Variants in PPP2R2C observed in about 807,000 individuals in gnomAD.
PPP2R2C encodes the protein protein phosphatase 2 regulatory subunit Bgamma.
A neutral mutation model predicts 45.3 loss-of-function variants in PPP2R2C; 10 were observed. The observed-to-expected ratio is 0.22, with a 90% CI of 0.14 to 0.37. The LOEUF (loss-of-function observed/expected upper bound fraction) is 0.37, where lower values mean the gene tolerates loss of function less well. Among genes scored for constraint, PPP2R2C ranks in the 10% least tolerant of loss-of-function variants. The pLI is 1.00. For missense variants in PPP2R2C, 308 were observed against 619.7 expected (o/e 0.50, Z 5.34); for synonymous variants, 257 against 245.4 (o/e 1.05, Z -0.44).
chr4:6,407,275 G>A (rs553502508), intron 1 of PPP2R2C, among the ~76,000 whole-genome samples: 1 of 152,374 alleles, frequency 6.6e-6, no homozygotes, highest in East Asian at 1.9e-4. Context: ...CAAGTGTGAG[G>A]CAAGTGGGGG....
At chr4:6,539,887 G>T (rs1321057181) in intron 1 of PPP2R2C, among the ~76,000 whole-genome samples, 2 of 152,082 alleles carry the variant, frequency 1.3e-5, no homozygotes, top group Admixed American at 1.3e-4. Context: ...GGGTAGAGGG[G>T]TCTGGGTCCT....
chr4:6,361,226 C>T (rs910686194), intron 5 of PPP2R2C, among the ~76,000 whole-genome samples: 3 of 152,190 alleles, frequency 2.0e-5, no homozygotes, highest in Non-Finnish European at 4.4e-5. Flanking sequence ...AGGAAAGGTG[C>T]TGTTCTATTT....
At position 6,349,237 on chromosome 4, in the gene PPP2R2C, T is replaced by C. The variant is rs1016347501; in HGVS notation, c.626-1227A>G. On this transcript the variant is annotated intron_variant, in intron 5 of 8. Transcript: ENST00000382599. The stretch of plus-strand genomic sequence containing the variant: ...ATGGGGCTTTGCACGGTCTGTTCCC[T>C]CTGACTCTTCAGGTGCATGTGAGCC... The C allele has an allele frequency of 3.0e-6, 3 of 985,316 alleles. No homozygotes were observed. The African/African-American group carries it at 5.2e-5, about 17-fold the overall frequency. 61.0% of individuals were successfully genotyped at this position (985,316 alleles called of 1,614,324 possible). A position where few individuals can be genotyped will look rare whatever the true frequency, so the allele number is the denominator to read the frequency against.
At chr4:6,456,697 G>A (rs550693420) in intron 1 of PPP2R2C, among the ~76,000 whole-genome samples, 1 of 152,332 alleles carries the variant, frequency 6.6e-6, no homozygotes, top group South Asian at 2.1e-4. Flanking sequence ...CCCTCACGGT[G>A]AACCACGGGC....
intron 2 of PPP2R2C, among the ~76,000 whole-genome samples, chr4:6,504,044 C>A (rs1723142353): frequency 6.6e-6 from 1 of 152,222 alleles, no homozygotes; most frequent in African/African-American, 2.4e-5. Context: ...AGTCCTCCTC[C>A]TGCACCATTC....
chr4:6,387,031 A>G (rs1201903105), intron 1 of PPP2R2C, among the ~76,000 whole-genome samples: 2 of 152,192 alleles, frequency 1.3e-5, no homozygotes, highest in Non-Finnish European at 2.9e-5. Context: ...GATGATTTCA[A>G]TAGAAATTAC....
intron 1 of PPP2R2C, among the ~76,000 whole-genome samples, chr4:6,428,670 G>C (rs1275832952): frequency 1.3e-4 from 20 of 152,242 alleles, no homozygotes; most frequent in Admixed American, 1.3e-3. Flanking sequence ...GAATAAGCCA[G>C]ACATCACTGA....
chr4:6,511,050 T>C (rs906676957), intron 2 of PPP2R2C, among the ~76,000 whole-genome samples: 2 of 151,726 alleles, frequency 1.3e-5, no homozygotes, highest in African/African-American at 4.9e-5. Flanking sequence ...AGGAACTTTA[T>C]TTGATTTCTG....
At chr4:6,557,240 C>A (rs1033742590) in intron 1 of PPP2R2C, among the ~76,000 whole-genome samples, 5 of 152,062 alleles carry the variant, frequency 3.3e-5, no homozygotes, top group African/African-American at 1.2e-4. Context: ...AATATTTGAA[C>A]CACTCATTGG....
chr4:6,460,121 A>C (rs114494811), intron 1 of PPP2R2C, among the ~76,000 whole-genome samples: 3 of 152,310 alleles, frequency 2.0e-5, no homozygotes, highest in Non-Finnish European at 2.9e-5. Flanking sequence ...GATATTACCA[A>C]TGATGACGGG....
At chr4:6,511,243 G>C (rs7676746) in intron 2 of PPP2R2C, among the ~76,000 whole-genome samples, 14 of 144,406 alleles carry the variant, frequency 9.7e-5, no homozygotes, top group Non-Finnish European at 1.8e-4. Context: ...CGTTCCGCTG[G>C]TGATGCTGAT....
chr4:6,323,533 C>A lies in PPP2R2C; in HGVS notation c.1113G>T (p.Arg371=). 6.3e-7 allele frequency: 1 copy of A among 1,594,764 alleles called. No homozygotes were observed. Among genetic ancestry groups the A allele is most frequent in the Non-Finnish European group, 8.6e-7 (1 of 1,164,512 alleles). The change falls in exon 9 of 9, where the codon CGG becomes CGT. Residue 371 remains arginine, a synonymous_variant. Coordinates refer to ENST00000382599, the MANE Select transcript of PPP2R2C (RefSeq NM_020416.4). Reference sequence around the variant, plus strand: ...CCCTCGAGGCCTCCAGGGTCACGTCCCGCTTGGTGTTCCGATCGAACATGC... The same window carrying A: ...CCCTCGAGGCCTCCAGGGTCACGTCACGCTTGGTGTTCCGATCGAACATGC... ...FFRMFDRNTK[R]DVTLEASRES... is the part of the protein sequence containing the mutation.
At chr4:6,525,709 T>G (rs1027170304) in intron 2 of PPP2R2C, among the ~76,000 whole-genome samples, 2 of 152,074 alleles carry the variant, frequency 1.3e-5, no homozygotes, top group African/African-American at 4.8e-5. Flanking sequence ...CTGTCCTTTT[T>G]GGGGGGATGG....
At chr4:6,486,409 C>G (rs939472965) in intron 2 of PPP2R2C, among the ~76,000 whole-genome samples, 1 of 151,958 alleles carries the variant, frequency 6.6e-6, no homozygotes, top group African/African-American at 2.4e-5. Flanking sequence ...TAGTGTTGTT[C>G]ATATCTTCTA....
intron 2 of PPP2R2C, among the ~76,000 whole-genome samples, chr4:6,518,965 A>G (rs1010899780): frequency 6.6e-6 from 1 of 151,454 alleles, no homozygotes; most frequent in African/African-American, 2.4e-5. Context: ...AATAGAAAAG[A>G]AAAGAGAAAA....
In PPP2R2C at chr4:6,384,544, T is replaced by G. The variant is rs898870570; in HGVS notation, c.71-3450A>C. The G allele has an allele frequency of 3.1e-6, 3 of 978,248 alleles. No individual in the cohort carries two copies. The Admixed American group carries it at 1.8e-4, about 60-fold the overall frequency. The allele number at this position is 978,248 out of a possible 1,614,324, so 60.6% of individuals were successfully genotyped here. ...TATAAAACGCTGCACATACTTAATG[T>G]ATATAATTTGATGAGGGTGGGCATA... is the stretch of plus-strand genomic sequence containing the variant. On this transcript the variant is annotated intron_variant, in intron 1 of 8. Coordinates refer to ENST00000382599, the MANE Select transcript of PPP2R2C (RefSeq NM_020416.4).
chr4:6,390,884 C>T (rs1716585689), intron 1 of PPP2R2C, among the ~76,000 whole-genome samples: 1 of 152,180 alleles, frequency 6.6e-6, no homozygotes, highest in South Asian at 2.1e-4. Flanking sequence ...CACATTTCAT[C>T]ACCACCCCAC....
intron 2 of PPP2R2C, among the ~76,000 whole-genome samples, chr4:6,495,123 G>A (rs530406089): frequency 3.0e-4 from 45 of 152,372 alleles, no homozygotes; most frequent in Admixed American, 2.7e-3. Context: ...CTGCCAAGGG[G>A]CTACGTGGCC....
At chr4:6,509,142 G>T (rs562060283) in intron 2 of PPP2R2C, among the ~76,000 whole-genome samples, 1 of 152,138 alleles carries the variant, frequency 6.6e-6, no homozygotes, top group Non-Finnish European at 1.5e-5. Flanking sequence ...TGTTTGAACC[G>T]CAGTGTTTAA....
Sources: allele counts gnomAD v4.1 joint callset (sites outside exome capture counted in the v4.1 genomes callset), GRCh38; gene constraint gnomAD v4.1.1; transcripts MANE v1.5; gene names NCBI Gene and HGNC (gene_info 2026-07-23, HGNC 2026-07-21).